Variants in PRUNE2 observed in about 807,000 individuals in gnomAD.
PRUNE2 encodes prune homolog 2 with BCH domain.
A neutral mutation model predicts 252.0 loss-of-function variants in PRUNE2; 164 were observed. The observed-to-expected ratio is 0.65, with a 90% CI of 0.57 to 0.74. PRUNE2 has a LOEUF of 0.74. Ranked by LOEUF, PRUNE2 falls within the 30% of genes least tolerant of loss-of-function variation. The probability of loss-of-function intolerance (pLI) is 0.00; values close to 1 mark genes in which losing one functional copy is unlikely to be tolerated. For synonymous variants in PRUNE2, 1,292 were observed against 1,350.2 expected, an observed-to-expected ratio of 0.96 and a Z score of 0.94; for missense variants, 3,495 against 3,711.0, an observed-to-expected ratio of 0.94 and a Z score of 1.51.
chr9:76,686,900 G>A (rs1272580106), intron 9 of PRUNE2, among the ~76,000 whole-genome samples: 2 of 152,038 alleles, frequency 1.3e-5, no homozygotes, highest in Non-Finnish European at 2.9e-5. Flanking sequence ...AGCTGGCTAA[G>A]GCATTTTTTG....
chr9:76,855,899 T>C (rs2060227006), intron 1 of PRUNE2, among the ~76,000 whole-genome samples: 1 of 152,178 alleles, frequency 6.6e-6, no homozygotes, highest in South Asian at 2.1e-4. Context: ...GGTTCTAGTC[T>C]AGGTCCAGTT....
chr9:76,630,635 C>T (rs1003301974), intron 15 of PRUNE2, among the ~76,000 whole-genome samples: 2 of 152,212 alleles, frequency 1.3e-5, no homozygotes, highest in African/African-American at 2.4e-5. Flanking sequence ...CGCTATTCTC[C>T]TGCCTCAGCC....
chr9:76,620,114 A>T lies in PRUNE2; in HGVS notation c.9189-727T>A, dbSNP rs998323329. 2.0e-5 allele frequency among the ~76,000 whole-genome samples: 3 copies of T among 149,526 alleles called. 1 individual carries two copies. Among genetic ancestry groups the T allele is most frequent in the African/African-American group, 7.4e-5 (3 of 40,610 alleles). ...TTAATTCTTGATGAATACTCATTAC[A>T]CCTCAACTTTTATACCCCTCCCATA... On this transcript the variant is annotated intron_variant, in intron 17 of 18. Transcript: ENST00000376718.
rs180939126 is a variant in PRUNE2, at chr9:76,791,083, A to G, written c.756+32549T>C. ...TGACTGCCAGAGGTTGAGGGATTGC[A>G]GTTAATGGGGAGATGTTGGTCAAAG... On this transcript the variant is annotated intron_variant, in intron 6 of 18. Transcript: ENST00000376718. 3.9e-5 allele frequency among the ~76,000 whole-genome samples: 6 copies of G among 152,340 alleles called. No homozygotes were observed. The East Asian group carries it at 1.2e-3, about 29-fold the overall frequency.
At chr9:76,770,854 CT>C (rs1386531159) in intron 6 of PRUNE2, among the ~76,000 whole-genome samples, 2 of 152,118 alleles carry the variant, frequency 1.3e-5, no homozygotes, top group Non-Finnish European at 2.9e-5. Flanking sequence ...AGTACCTCAA[CT>C]TTGATAATAT....
chr9:76,856,210 A>G (rs2060241404), intron 1 of PRUNE2, among the ~76,000 whole-genome samples: 1 of 152,200 alleles, frequency 6.6e-6, no homozygotes, highest in African/African-American at 2.4e-5. Context: ...CAGTGCAGTG[A>G]GCCCCATCTC....
chr9:76,807,374 C>T (rs952507390), intron 6 of PRUNE2, among the ~76,000 whole-genome samples: 1 of 152,054 alleles, frequency 6.6e-6, no homozygotes, highest in Non-Finnish European at 1.5e-5. Context: ...TGCCTGGCCT[C>T]GACCTCCCTG....
chr9:76,894,817 C>T (rs1038838137), intron 1 of PRUNE2, among the ~76,000 whole-genome samples: 4 of 151,612 alleles, frequency 2.6e-5, no homozygotes, highest in South Asian at 4.2e-4. Context: ...GTCAGGAGTT[C>T]GAGATCAGCC....
At position 76,706,268 on chromosome 9, in the gene PRUNE2, T is replaced by A; in HGVS notation, c.6006A>T (p.Lys2002Asn). The change falls in exon 8 of 19, where the codon AAA (lysine) becomes AAT (asparagine). Residue 2002 changes from lysine (K) to asparagine (N), a missense_variant. Transcript: ENST00000376718. ...AATTTGTCATCTCACCTAGGTATGA[T>A]TTTTCTTGTTCCCACTGATTTGTTT... The part of the protein sequence containing the change: ...GQETNQWEQE[K>N]SYLGEMTNSS... The A allele has an allele frequency of 6.2e-7, 1 of 1,613,998 alleles. No individual in the cohort carries two copies. The highest frequency in any genetic ancestry group is 8.5e-7 in the Non-Finnish European group (1 of 1,179,878).
intron 6 of PRUNE2, among the ~76,000 whole-genome samples, chr9:76,820,902 G>A (rs775314758): frequency 1.4e-4 from 21 of 152,094 alleles, no homozygotes; most frequent in South Asian, 2.1e-4. Context: ...GCAAAGGGGC[G>A]AACTGCAAAC....
chr9:76,881,010 G>A (rs1486440581), intron 1 of PRUNE2, among the ~76,000 whole-genome samples: 3 of 149,196 alleles, frequency 2.0e-5, no homozygotes, highest in Non-Finnish European at 4.4e-5. Context: ...GCCCAGGCTG[G>A]AGTGCAGTTG....
chr9:76,795,302 C>T (rs146319277), intron 6 of PRUNE2, among the ~76,000 whole-genome samples: 2 of 152,186 alleles, frequency 1.3e-5, no homozygotes, highest in Non-Finnish European at 2.9e-5. Context: ...GACATCACAC[C>T]GTCAAAACAC....
At chr9:76,786,867 G>C (rs1418880220) in intron 6 of PRUNE2, 3 of 152,112 alleles carry the variant, frequency 2.0e-5, no homozygotes, top group Non-Finnish European at 4.4e-5. Context: ...CCCCAATGTA[G>C]CCATGCAAAT....
chr9:76,625,252 A>G (rs1223844548), intron 16 of PRUNE2, among the ~76,000 whole-genome samples: 1 of 152,176 alleles, frequency 6.6e-6, no homozygotes, highest in Non-Finnish European at 1.5e-5. Context: ...GAATACCATA[A>G]TTTGACAGTA....
At chr9:76,822,741 A>G (rs957442578) in intron 6 of PRUNE2, among the ~76,000 whole-genome samples, 1 of 152,118 alleles carries the variant, frequency 6.6e-6, no homozygotes, top group Non-Finnish European at 1.5e-5. Flanking sequence ...CAGGAGGTGG[A>G]GGTTGCAGTG....
intron 6 of PRUNE2, chr9:76,784,274 G>A (rs1306319621): frequency 6.6e-6 from 1 of 152,088 alleles, no homozygotes; most frequent in African/African-American, 2.4e-5. Flanking sequence ...TATTTGAACG[G>A]GATTACAGAT....
chr9:76,826,777 C>T (rs1318957950), intron 4 of PRUNE2, 45 bp from the exon 5 acceptor site: 8 of 1,478,228 alleles, frequency 5.4e-6, no homozygotes, highest in Middle Eastern at 1.8e-4. Context: ...TCCAGCCAAG[C>T]CAGAACAGGG....
intron 6 of PRUNE2, among the ~76,000 whole-genome samples, chr9:76,731,286 CTATCTA>C: frequency 2.7e-5 from 2 of 74,880 alleles, no homozygotes; most frequent in African/African-American, 1.1e-4. Flanking sequence ...CTCTCTCTAT[CTATCTA>C]TCTATCTATC....
rs1417977183 is a variant in PRUNE2, at chr9:76,757,713, G to A, written c.757-43992C>T. Among the ~76,000 whole-genome samples the A allele has an allele frequency of 3.3e-5, 5 of 152,126 alleles. No homozygotes were observed. In the South Asian group the frequency reaches 6.2e-4, roughly 19 times the overall value. ...ATGGTGGCTCATACCTGTAACTCCA[G>A]CATTTTGGGAAGCAGAGGCAGGGAA... On this transcript the variant is annotated intron_variant, in intron 6 of 18. Coordinates refer to ENST00000376718, the MANE Select transcript of PRUNE2 (RefSeq NM_015225.3).
Sources: allele counts gnomAD v4.1 joint callset (sites outside exome capture counted in the v4.1 genomes callset), GRCh38; gene constraint gnomAD v4.1.1; transcripts MANE v1.5; gene names NCBI Gene and HGNC (gene_info 2026-07-23, HGNC 2026-07-21).